KAT6A: variants seen among roughly 807,000 people sequenced by gnomAD.
KAT6A encodes lysine acetyltransferase 6A.
A neutral mutation model predicts 198.4 loss-of-function variants in KAT6A; 9 were observed. The observed-to-expected ratio is 0.05, with a 90% CI of 0.03 to 0.08. The LOEUF (loss-of-function observed/expected upper bound fraction) is 0.08. Among genes scored for constraint, KAT6A ranks in the 10% least tolerant of loss-of-function variants. KAT6A has a pLI of 1.00. For synonymous variants in KAT6A, 890 were observed against 883.0 expected, an observed-to-expected ratio of 1.01 and a Z score of -0.14; for missense variants, 2,077 against 2,509.9, an observed-to-expected ratio of 0.83 and a Z score of 3.69.
chr8:42,046,135 T>C (rs1369166459), intron 2 of KAT6A, among the ~76,000 whole-genome samples: 1 of 152,232 alleles, frequency 6.6e-6, no homozygotes, highest in Non-Finnish European at 1.5e-5. Context: ...TGTCTTGCAC[T>C]GTACTATATT....
Position 41,962,470 on chromosome 8 carries a change from C to T in KAT6A, c.1483-7059G>A, listed in dbSNP as rs151039531. Among the ~76,000 whole-genome samples, 3 of 152,236 alleles carry T rather than the reference C, an allele frequency of 2.0e-5. No homozygotes were observed. In the East Asian group the frequency reaches 5.8e-4, roughly 29 times the overall value. On this transcript the variant is annotated intron_variant, in intron 8 of 16. Coordinates refer to ENST00000265713, the MANE Select transcript of KAT6A (RefSeq NM_006766.5). ...ACTCCCTGCTTTCACAATGCATCAA[C>T]ATATCCCAATGGGTCTACCTTCAAA...
intron 2 of KAT6A, among the ~76,000 whole-genome samples, chr8:42,008,704 T>C (rs1464683077): frequency 1.3e-5 from 2 of 152,108 alleles, no homozygotes; most frequent in African/African-American, 4.8e-5. Flanking sequence ...TAGAACTTTC[T>C]GGGATGATGA....
chr8:41,956,485 T>C (rs1436903119), intron 8 of KAT6A, among the ~76,000 whole-genome samples: 1 of 152,222 alleles, frequency 6.6e-6, no homozygotes. Context: ...CAGACACACA[T>C]ACATATTTTA....
At chr8:42,051,712 G>T (rs1328057218) in intron 1 of KAT6A, among the ~76,000 whole-genome samples, 189 bp downstream of exon 1, 2 of 145,742 alleles carry the variant, frequency 1.4e-5, no homozygotes, top group Non-Finnish European at 3.0e-5. Flanking sequence ...CGAGCGAGCG[G>T]GCGGGCGCGA....
chr8:41,932,159 C>A lies in KAT6A; in HGVS notation c.*46G>T. The A allele has an allele frequency of 1.4e-6, 2 of 1,432,202 alleles. No homozygotes were observed. Among genetic ancestry groups the A allele is most frequent in the South Asian group, 3.5e-5 (2 of 56,986 alleles). The allele number at this position is 1,432,202 out of a possible 1,614,324, so 88.7% of individuals were successfully genotyped here. A position where few individuals can be genotyped will look rare whatever the true frequency, so the allele number is the denominator to read the frequency against. On this transcript the variant is annotated 3_prime_UTR_variant, in exon 17 of 17. Coordinates refer to ENST00000265713, the MANE Select transcript of KAT6A (RefSeq NM_006766.5). Reference sequence around the variant, plus strand: ...CTCTGGTTTGTCAGTATAAAAGGTTCCTTTATTTATATATATTTAAGTTTT... The same window carrying A: ...CTCTGGTTTGTCAGTATAAAAGGTTACTTTATTTATATATATTTAAGTTTT...
At chr8:42,037,517 G>C (rs892527589) in intron 2 of KAT6A, among the ~76,000 whole-genome samples, 1 of 152,100 alleles carries the variant, frequency 6.6e-6, no homozygotes, top group African/African-American at 2.4e-5. Flanking sequence ...TAAGCTCAAA[G>C]AATTAAAAAC....
intron 8 of KAT6A, among the ~76,000 whole-genome samples, chr8:41,973,726 T>C (rs1305103727): frequency 6.6e-6 from 1 of 152,130 alleles, no homozygotes; most frequent in Non-Finnish European, 1.5e-5. Context: ...CAATTAAGCA[T>C]GTTTTCCCCT....
At chr8:41,988,518 T>C (rs931030870) in intron 2 of KAT6A, among the ~76,000 whole-genome samples, 3 of 152,306 alleles carry the variant, frequency 2.0e-5, no homozygotes, top group Admixed American at 6.5e-5. Context: ...AAAATAATTA[T>C]TGTAGCAATA....
In KAT6A at chr8:41,981,875, T is replaced by C; in HGVS notation, c.789A>G (p.Lys263=). The stretch of plus-strand genomic sequence containing the variant: ...CTTGATCTCGACAGGAGCTGCATGT[T>C]TTACACTCGATGCACTGCCACCGTA... ...KALRWQCIEC[K]TCSSCRDQGK... Residue 263 remains lysine, a synonymous_variant, in exon 4 of 17, where the codon AAA becomes AAG. Coordinates refer to ENST00000265713, the MANE Select transcript of KAT6A (RefSeq NM_006766.5). The C allele has an allele frequency of 6.2e-7, 1 of 1,613,980 alleles. No individual in the cohort carries two copies.
chr8:42,017,799 A>T (rs1826346856), intron 2 of KAT6A, among the ~76,000 whole-genome samples: 1 of 152,194 alleles, frequency 6.6e-6, no homozygotes, highest in Non-Finnish European at 1.5e-5. Flanking sequence ...CACTCAGACA[A>T]AAGTAGAGAG....
chr8:41,938,758 C>T (rs1391102367), intron 15 of KAT6A, among the ~76,000 whole-genome samples: 1 of 151,980 alleles, frequency 6.6e-6, no homozygotes, highest in Non-Finnish European at 1.5e-5. Context: ...CCAGCCTGAG[C>T]AACATAGCGA....
At chr8:41,944,124 GC>G in intron 12 of KAT6A, 145 bp from the exon 13 acceptor site, 1 of 596,284 alleles carries the variant, frequency 1.7e-6, no homozygotes, top group Non-Finnish European at 2.9e-6. Flanking sequence ...GAAACAAATT[GC>G]AAAACTACTT....
intron 8 of KAT6A, among the ~76,000 whole-genome samples, chr8:41,971,596 T>C (rs953370508): frequency 2.2e-5 from 3 of 138,206 alleles, no homozygotes; most frequent in Non-Finnish European, 4.5e-5. Context: ...GCCTTGGAGA[T>C]GAGAGAACAG....
intron 13 of KAT6A, among the ~76,000 whole-genome samples, chr8:41,943,206 C>T (rs995545760): frequency 2.6e-5 from 4 of 152,154 alleles, no homozygotes; most frequent in African/African-American, 9.7e-5. Context: ...CTACCGTGGC[C>T]GCGGGCTGTT....
intron 8 of KAT6A, among the ~76,000 whole-genome samples, chr8:41,960,953 C>T (rs923375161): frequency 3.3e-5 from 5 of 152,102 alleles, no homozygotes; most frequent in African/African-American, 4.8e-5. Context: ...TTCACATAAT[C>T]GAAGTTATTA....
chr8:42,051,615 GGCGCGGGGCCCGCGA>G (rs1041172105), intron 1 of KAT6A, among the ~76,000 whole-genome samples: 14 of 145,140 alleles, frequency 9.6e-5, no homozygotes, highest in African/African-American at 2.7e-4. Flanking sequence ...CGGGATCGGG[GGCGCGGGGCCCGCGA>G]GCGCGGGGCC....
intron 2 of KAT6A, among the ~76,000 whole-genome samples, chr8:42,046,527 T>C (rs1254387906): frequency 6.6e-6 from 1 of 152,140 alleles, no homozygotes; most frequent in Non-Finnish European, 1.5e-5. Context: ...CGAGATTCTG[T>C]CTCAAAAATA....
chr8:42,045,889 G>C (rs903331426), intron 2 of KAT6A, among the ~76,000 whole-genome samples: 1 of 151,876 alleles, frequency 6.6e-6, no homozygotes, highest in Non-Finnish European at 1.5e-5. Flanking sequence ...GGAGGTTGAG[G>C]CAGAAGAATC....
chr8:41,956,503 A>G (rs937081149), intron 8 of KAT6A, among the ~76,000 whole-genome samples: 2 of 152,224 alleles, frequency 1.3e-5, no homozygotes, highest in African/African-American at 4.8e-5. Flanking sequence ...TTATAACAAA[A>G]CTAAAAGAAA....
Sources: gnomAD v4.1 joint callset for allele counts (sites outside exome capture counted in the v4.1 genomes callset) on GRCh38, gnomAD v4.1.1 for gene constraint, MANE v1.5 for transcripts, NCBI Gene and HGNC (gene_info 2026-07-23, HGNC 2026-07-21) for gene names.